COL6A5: variants seen among roughly 807,000 people sequenced by gnomAD.
COL6A5 encodes the protein collagen type VI alpha 5 chain.
A neutral mutation model predicts 65.6 loss-of-function variants in COL6A5; 48 were observed. The ratio of observed to expected loss-of-function variants is 0.73; its 90% CI spans 0.58 to 0.93. The LOEUF is 0.93. COL6A5 is among the 40% of genes least tolerant of loss of function. The probability of loss-of-function intolerance (pLI) is 0.00; values close to 1 mark genes in which losing one functional copy is unlikely to be tolerated. For synonymous variants in COL6A5, 291 were observed against 322.8 expected (o/e 0.90, Z 1.05); for missense variants, 914 against 928.3 (o/e 0.98, Z 0.20).
At chr3:130,448,704 T>C (rs1189454003) in intron 4 of COL6A5, among the ~76,000 whole-genome samples, 1 of 152,136 alleles carries the variant, frequency 6.6e-6, no homozygotes, top group East Asian at 1.9e-4. Flanking sequence ...CTTGGGAAAT[T>C]GGGCTCGAAC....
At chr3:130,437,284 G>A (rs1709054889) in intron 1 of COL6A5, among the ~76,000 whole-genome samples, 2 of 151,914 alleles carry the variant, frequency 1.3e-5, no homozygotes, top group Non-Finnish European at 2.9e-5. Context: ...ATTCATTTAA[G>A]TACTAGTATT....
intron 3 of COL6A5, among the ~76,000 whole-genome samples, chr3:130,442,351 GC>G (rs1162845004): frequency 1.3e-5 from 2 of 151,496 alleles, no homozygotes; most frequent in African/African-American, 4.9e-5. Flanking sequence ...CTACTTCTTG[GC>G]TCAGAGTCAT....
intron 1 of COL6A5, among the ~76,000 whole-genome samples, chr3:130,361,164 A>T (rs1935091620): frequency 6.6e-6 from 1 of 152,074 alleles, no homozygotes; most frequent in Non-Finnish European, 1.5e-5. Context: ...AATTTTGGCA[A>T]ATGTATAATG....
At chr3:130,476,177 T>C (rs1710092246) in intron 7 of COL6A5, among the ~76,000 whole-genome samples, 2 of 152,084 alleles carry the variant, frequency 1.3e-5, no homozygotes, top group Admixed American at 1.3e-4. Flanking sequence ...TGATGAGGGC[T>C]CTCTTCCTGG....
At chr3:130,447,196 T>C (rs1396946549) in intron 4 of COL6A5, among the ~76,000 whole-genome samples, 2 of 152,150 alleles carry the variant, frequency 1.3e-5, no homozygotes, top group Non-Finnish European at 2.9e-5. Context: ...TTTTTTAACA[T>C]GGGTCATGCC....
chr3:130,428,128 C>A (rs1937647341), upstream of COL6A5, among the ~76,000 whole-genome samples: 1 of 152,086 alleles, frequency 6.6e-6, no homozygotes, highest in South Asian at 2.1e-4. Context: ...AGTTTTCCAA[C>A]ATAGAATAAA....
At chr3:130,479,105 A>G (rs959337310) in intron 7 of COL6A5, among the ~76,000 whole-genome samples, 2 of 152,020 alleles carry the variant, frequency 1.3e-5, no homozygotes, top group African/African-American at 4.8e-5. Flanking sequence ...TCATGGTATT[A>G]GGAGGTAGGA....
intron 2 of COL6A5, among the ~76,000 whole-genome samples, chr3:130,375,107 C>T (rs888125582): frequency 1.3e-5 from 2 of 152,156 alleles, no homozygotes; most frequent in Non-Finnish European, 2.9e-5. Flanking sequence ...AAGGTAGATA[C>T]TATTGGCACC....
At chr3:130,391,271 ACTAT>A (rs895624035) in exon 7 of COL6A5, 23 of 1,551,552 alleles carry the variant, frequency 1.5e-5, no homozygotes, top group Non-Finnish European at 2.0e-5. Context: ...GATTAACCTA[ACTAT>A]CCATTTGGTG....
intron 7 of COL6A5, among the ~76,000 whole-genome samples, chr3:130,474,381 ATAT>A (rs1710036062): frequency 6.6e-6 from 1 of 152,100 alleles, no homozygotes; most frequent in South Asian, 2.1e-4. Flanking sequence ...AAACAACATA[ATAT>A]TCAAAATGTT....
intron 4 of COL6A5, among the ~76,000 whole-genome samples, chr3:130,452,811 A>T (rs556591453): frequency 4.2e-4 from 64 of 152,222 alleles, no homozygotes; most frequent in African/African-American, 1.3e-3. Flanking sequence ...TTTCATCCCT[A>T]CAGTTTCGAC....
intron 1 of COL6A5, among the ~76,000 whole-genome samples, chr3:130,432,909 TA>T (rs1379208229): frequency 1.3e-5 from 2 of 152,156 alleles, no homozygotes; most frequent in Non-Finnish European, 2.9e-5. Flanking sequence ...CTAAGAAACT[TA>T]AAAACCTCTT....
At chr3:130,432,957 C>A (rs1303642548) in intron 1 of COL6A5, among the ~76,000 whole-genome samples, 1 of 152,132 alleles carries the variant, frequency 6.6e-6, no homozygotes, top group African/African-American at 2.4e-5. Flanking sequence ...TTCAGATTAT[C>A]CATAAAATAC....
chr3:130,385,012 T>C (rs1429297350), exon 5 of COL6A5: 1 of 1,550,924 alleles, frequency 6.4e-7, no homozygotes, highest in East Asian at 2.4e-5. Context: ...CTAATGATAT[T>C]GACTTAAGAA....
At position 130,470,908 on chromosome 3, in the gene COL6A5, CACATGTGTTA is replaced by C; in HGVS notation, c.2275_2284del (p.Cys759Ter). 9.9e-6 allele frequency: 16 copies of C among 1,612,556 alleles called. No homozygotes were observed. Among genetic ancestry groups the C allele is most frequent in the Non-Finnish European group, 1.4e-5 (16 of 1,179,160 alleles). On this transcript the variant is annotated frameshift_variant, in exon 7 of 8. Transcript: ENST00000512836. LOFTEE classifies it high-confidence loss of function. Reference sequence around the variant, plus strand: ...AATATCCCACCGAAGATATGAAAGCCACATGTGTTAACATGACCTCTCCCAACCCAGAGAA... The same window carrying C: ...AATATCCCACCGAAGATATGAAAGCCACATGACCTCTCCCAACCCAGAGAA...
intron 8 of COL6A5, 58 bp from the exon 9 acceptor site, chr3:130,397,525 C>T: frequency 7.4e-7 from 1 of 1,358,922 alleles, no homozygotes; most frequent in Admixed American, 2.4e-5. Flanking sequence ...TTTCTGCCGT[C>T]TCTCCTTCCT....
intron 4 of COL6A5, among the ~76,000 whole-genome samples, chr3:130,447,861 A>G (rs1709344088): frequency 6.6e-6 from 1 of 152,194 alleles, no homozygotes; most frequent in South Asian, 2.1e-4. Context: ...GCCATCAGTG[A>G]ACACTGTAAT....
intron 3 of COL6A5, among the ~76,000 whole-genome samples, chr3:130,377,605 G>A (rs1404062684): frequency 6.6e-6 from 1 of 152,232 alleles, no homozygotes; most frequent in Non-Finnish European, 1.5e-5. Flanking sequence ...CCCTGCATCT[G>A]CTGTGTTGTC....
chr3:130,395,886 C>T lies in COL6A5; in HGVS notation c.3568+421C>T, dbSNP rs537550868. On this transcript the variant is annotated intron_variant and NMD_transcript_variant, in intron 8 of 41. Transcript: ENST00000312481. ...TTGTTAAGCCATCTTGTAAGGGACTCGTGTGTGTGTGTGTGTGTGTATGTG... is the reference window on the plus strand; with the variant it reads ...TTGTTAAGCCATCTTGTAAGGGACTTGTGTGTGTGTGTGTGTGTGTATGTG... Among the ~76,000 whole-genome samples, 18 of 150,298 alleles carry T rather than the reference C, an allele frequency of 1.2e-4. No homozygotes were observed. The South Asian group carries it at 3.6e-3, about 30-fold the overall frequency.
Sources: allele counts gnomAD v4.1 joint callset (sites outside exome capture counted in the v4.1 genomes callset), GRCh38; gene constraint gnomAD v4.1.1; transcripts MANE v1.5; gene names NCBI Gene and HGNC (gene_info 2026-07-23, HGNC 2026-07-21).